Variants in YWHAH observed in about 807,000 individuals in gnomAD.
The protein encoded by YWHAH is 14-3-3 protein eta.
Under a neutral mutation model 22.9 loss-of-function variants are expected in YWHAH, and 6 were observed. That is an observed-to-expected ratio of 0.26 (90% CI 0.14 to 0.52). YWHAH has a LOEUF of 0.52. Among genes scored for constraint, YWHAH ranks in the 20% least tolerant of loss-of-function variants. The probability of loss-of-function intolerance (pLI) is 0.97; values close to 1 mark genes in which losing one functional copy is unlikely to be tolerated. For missense variants in YWHAH, 173 were observed against 308.6 expected (o/e 0.56, Z 3.29); for synonymous variants, 135 against 124.5 (o/e 1.08, Z -0.56).
At chr22:31,945,535 C>CATT in intron 1 of YWHAH, 1 of 1,304,094 alleles carries the variant, frequency 7.7e-7, no homozygotes, top group Non-Finnish European at 1.0e-6. Context: ...ATTCCTGAGA[C>CATT]CCTCATAAAT....
At chr22:31,954,881 T>G in intron 1 of YWHAH, among the ~76,000 whole-genome samples, 1 of 152,186 alleles carries the variant, frequency 6.6e-6, no homozygotes, top group East Asian at 1.9e-4. Flanking sequence ...TAAGCTCACA[T>G]TCACAGGAAC....
chr22:31,953,555 C>T (rs2149468351), intron 1 of YWHAH, among the ~76,000 whole-genome samples: 1 of 152,226 alleles, frequency 6.6e-6, no homozygotes, highest in East Asian at 1.9e-4. Context: ...TCTCTATTTT[C>T]CGTAAGAAAA....
chr22:31,948,345 A>G (rs1195365632), intron 1 of YWHAH, among the ~76,000 whole-genome samples: 2 of 152,062 alleles, frequency 1.3e-5, no homozygotes, highest in Admixed American at 1.3e-4. Context: ...GGTGAGACAG[A>G]TCAGTGTCAC....
chr22:31,945,880 G>A (rs932696078), intron 1 of YWHAH, among the ~76,000 whole-genome samples: 15 of 152,066 alleles, frequency 9.9e-5, no homozygotes, highest in African/African-American at 3.4e-4. Flanking sequence ...TTTTTAGCTG[G>A]CTTAAGTCTG....
Position 31,944,833 on chromosome 22 carries a change from G to C in YWHAH, c.87+13G>C. 1 of 1,364,858 alleles carries C rather than the reference G, an allele frequency of 7.3e-7. No individual in the cohort carries two copies. Among genetic ancestry groups the C allele is most frequent in the South Asian group, 1.5e-5 (1 of 66,596 alleles). 84.5% of individuals were successfully genotyped at this position (1,364,858 alleles called of 1,614,324 possible). A position where few individuals can be genotyped will look rare whatever the true frequency, so the allele number is the denominator to read the frequency against. ...CGCTATGAAGGCGGTGAGCGCGCCG[G>C]GAGCCCGGGCGGCTGGCCGGGGGGG... On this transcript the variant is annotated intron_variant, in intron 1 of 1. Coordinates refer to ENST00000248975, the MANE Select transcript of YWHAH (RefSeq NM_003405.4).
chr22:31,953,540 C>G (rs1307031948), intron 1 of YWHAH, among the ~76,000 whole-genome samples: 1 of 152,152 alleles, frequency 6.6e-6, no homozygotes, highest in Non-Finnish European at 1.5e-5. Flanking sequence ...TAAATATTTA[C>G]AAAGTCTCTA....
chr22:31,952,133 C>T (rs985463557), intron 1 of YWHAH, among the ~76,000 whole-genome samples: 10 of 152,182 alleles, frequency 6.6e-5, no homozygotes, highest in Non-Finnish European at 1.3e-4. Flanking sequence ...CTGTAAAATT[C>T]TGTCTTGTTG....
intron 1 of YWHAH, chr22:31,950,318 A>G: frequency 1.3e-6 from 1 of 779,250 alleles, no homozygotes; most frequent in Non-Finnish European, 2.4e-6. Context: ...GTTGCTGGTA[A>G]AATTCCTCCT....
intron 1 of YWHAH, among the ~76,000 whole-genome samples, chr22:31,953,419 A>G (rs1047035312): frequency 1.3e-5 from 2 of 152,234 alleles, no homozygotes; most frequent in African/African-American, 2.4e-5. Context: ...TTTGTAGTTC[A>G]TAAGTGTGAT....
chr22:31,945,453 GC>G, intron 1 of YWHAH: 1 of 1,304,114 alleles, frequency 7.7e-7, no homozygotes, highest in Non-Finnish European at 1.0e-6. Flanking sequence ...CCCCAGGTTT[GC>G]TGCTGCGCTG....
intron 1 of YWHAH, among the ~76,000 whole-genome samples, chr22:31,952,818 C>T (rs1019536496): frequency 4.6e-5 from 7 of 152,198 alleles, no homozygotes; most frequent in Non-Finnish European, 8.8e-5. Context: ...CCAAACTTCA[C>T]GTTAGTAGGA....
intron 1 of YWHAH, among the ~76,000 whole-genome samples, chr22:31,949,371 C>T (rs140349988): frequency 1.4e-4 from 21 of 151,982 alleles, no homozygotes; most frequent in Admixed American, 7.9e-4. Flanking sequence ...CTTGAACACC[C>T]GACCTCAGGT....
At chr22:31,949,635 C>T (rs965221493) in intron 1 of YWHAH, among the ~76,000 whole-genome samples, 1 of 152,072 alleles carries the variant, frequency 6.6e-6, no homozygotes, top group Non-Finnish European at 1.5e-5. Context: ...GTAGCTGGGA[C>T]TACAGGTGCC....
chr22:31,950,429 G>A (rs1323531323), intron 1 of YWHAH: 2 of 778,476 alleles, frequency 2.6e-6, no homozygotes, highest in African/African-American at 1.7e-5. Context: ...GGTGGTGAGT[G>A]TTAGCACTTC....
chr22:31,946,489 A>G lies in YWHAH; in HGVS notation c.87+1669A>G, dbSNP rs575650324. Among the ~76,000 whole-genome samples the G allele has an allele frequency of 4.6e-5, 7 of 151,994 alleles. No individual in the cohort carries two copies. The South Asian group carries it at 1.5e-3, about 32-fold the overall frequency. On this transcript the variant is annotated intron_variant, in intron 1 of 1. Coordinates refer to ENST00000248975, the MANE Select transcript of YWHAH (RefSeq NM_003405.4). ...TATGCAGGCTGAGGCCTCTCCACAC[A>G]TTTTCATGAAGTGGTTGCTCACCCT...
At chr22:31,950,651 G>A (rs1327023783) in intron 1 of YWHAH, among the ~76,000 whole-genome samples, 1 of 152,192 alleles carries the variant, frequency 6.6e-6, no homozygotes, top group African/African-American at 2.4e-5. Context: ...TAGAGTGGAT[G>A]TTACTTACCC....
Position 31,956,057 on chromosome 22 carries a change from T to G in YWHAH, c.88-82T>G. 4 of 1,465,576 alleles carry G rather than the reference T, an allele frequency of 2.7e-6. No homozygotes were observed. Among genetic ancestry groups the G allele is most frequent in the Non-Finnish European group, 3.7e-6 (4 of 1,087,082 alleles). The allele number at this position is 1,465,576 out of a possible 1,614,324, so 90.8% of individuals were successfully genotyped here. On this transcript the variant is annotated intron_variant, in intron 1 of 1. Transcript: ENST00000248975. The surrounding 1 kb of genome is among the most constrained non-coding windows in gnomAD (Gnocchi z 5.1). ...TTCGTAATTCCGTTCTTGAGAAGGA[T>G]TGTTGATTATGTTGAAGGGAAGGCT...
rs2093844843 is a variant in YWHAH, at chr22:31,952,649, G to GC, written c.88-3490_88-3489insC. ...TAGTCACCCTCAGCTAATGCTGATA[G>GC]TGATTCATTCAGACTGGCAGGCAAC... On this transcript the variant is annotated intron_variant, in intron 1 of 1. Coordinates refer to ENST00000248975, the MANE Select transcript of YWHAH (RefSeq NM_003405.4). 2.6e-5 allele frequency among the ~76,000 whole-genome samples: 4 copies of GC among 152,342 alleles called. No individual in the cohort carries two copies. In the South Asian group the frequency reaches 8.3e-4, roughly 32 times the overall value.
chr22:31,950,663 A>T (rs185355941), intron 1 of YWHAH, among the ~76,000 whole-genome samples: 1 of 152,272 alleles, frequency 6.6e-6, no homozygotes, highest in Non-Finnish European at 1.5e-5. Flanking sequence ...TACTTACCCG[A>T]ACTTGCCTGC....
Sources: gnomAD v4.1 joint callset for allele counts (sites outside exome capture counted in the v4.1 genomes callset) on GRCh38, gnomAD v4.1.1 for gene constraint, Gnocchi (gnomAD v3.1) non-coding constraint, MANE v1.5 for transcripts, NCBI Gene and HGNC (gene_info 2026-07-23, HGNC 2026-07-21) for gene names.